The following UMPS variants were observed in gnomAD, a reference collection of about 807,000 sequenced individuals.
The protein encoded by UMPS is uridine 5'-monophosphate synthase.
In UMPS, 21 loss-of-function variants were observed where a neutral mutation model predicts 38.9. The ratio of observed to expected loss-of-function variants is 0.54; its 90% CI spans 0.38 to 0.78. UMPS has a LOEUF of 0.78. UMPS is among the 30% of genes least tolerant of loss of function. The probability of loss-of-function intolerance (pLI) is 0.00; values close to 1 mark genes in which losing one functional copy is unlikely to be tolerated. For missense variants in UMPS, 533 were observed against 591.6 expected, an observed-to-expected ratio of 0.90 and a Z score of 1.03; for synonymous variants, 208 against 219.3, an observed-to-expected ratio of 0.95 and a Z score of 0.45.
rs1460180126 is a variant in UMPS at position 124,740,183 on chromosome 3, A to C, written c.1142A>C (p.Asp381Ala). ...MSSTGSLATG[D>A]YTRAAVRMAE... ...TCCACCGGCTCCCTGGCCACTGGGG[A>C]CTACACTAGAGCAGCGGTAAGTGGT... is the stretch of plus-strand genomic sequence containing the variant. Residue 381 changes from aspartate to alanine, a missense_variant, in exon 4 of 6, where the codon GAC becomes GCC. Asp to Ala is a moderately radical substitution (Grantham distance 126, BLOSUM62 -2). Coordinates refer to ENST00000232607, the MANE Select transcript of UMPS (RefSeq NM_000373.4). 2 of 1,612,888 alleles carry C rather than the reference A, an allele frequency of 1.2e-6. No individual in the cohort carries two copies. The highest frequency in any genetic ancestry group is 2.7e-5 in the African/African-American group (2 of 74,920).
rs2063575646 is a variant in UMPS at position 124,743,820 on chromosome 3, AT to A, written c.1274-92del. On this transcript the variant is annotated intron_variant, in intron 5 of 5. Transcript: ENST00000232607. ...GGAACGAAAGTAGGGGCATGTTTTT[AT>A]TTAAAGCTGGTTAGATACTTTTTCA... 3 of 1,516,218 alleles carry A rather than the reference AT, an allele frequency of 2.0e-6. No individual in the cohort carries two copies. In the African/African-American group the frequency reaches 4.1e-5, roughly 21 times the overall value. 93.9% of individuals were successfully genotyped at this position (1,516,218 alleles called of 1,614,324 possible).
rs1302571190 is a variant in UMPS, at chr3:124,747,444, C to A, written c.*3360C>A. On this transcript the variant is annotated 3_prime_UTR_variant, in exon 6 of 6. Transcript: ENST00000232607. ...GGAGTCACTCAGTACCAGTTCCGAG[C>A]CTGAACCCAAACTCTCGTGTTTCTG... The A allele has an allele frequency of 6.6e-6, 3 of 454,002 alleles. No individual in the cohort carries two copies. The highest frequency in any genetic ancestry group is 1.3e-5 in the Non-Finnish European group (3 of 226,748). The allele number at this position is 454,002 out of a possible 1,614,324, so 28.1% of individuals were successfully genotyped here. A position where few individuals can be genotyped will look rare whatever the true frequency, so the allele number is the denominator to read the frequency against.
At chr3:124,735,755 T>A (rs1488259242) in intron 2 of UMPS, among the ~76,000 whole-genome samples, 3 of 152,246 alleles carry the variant, frequency 2.0e-5, no homozygotes, top group Non-Finnish European at 4.4e-5. Flanking sequence ...GGTAGGCGGA[T>A]CACTTGAGGT....
chr3:124,746,278 T>C lies in UMPS; in HGVS notation c.*2194T>C. 2.2e-6 allele frequency: 1 copy of C among 453,928 alleles called. No homozygotes were observed. Among genetic ancestry groups the C allele is most frequent in the Non-Finnish European group, 4.4e-6 (1 of 226,778 alleles). 28.1% of individuals were successfully genotyped at this position (453,928 alleles called of 1,614,324 possible). A position where few individuals can be genotyped will look rare whatever the true frequency, so the allele number is the denominator to read the frequency against. On this transcript the variant is annotated 3_prime_UTR_variant, in exon 6 of 6. Transcript: ENST00000232607. ...CCCAGCCCCTGCCACTTACTGAAAG[T>C]GTAGGTCCTTGTGCCCCACACCATC...
At chr3:124,741,398 C>T (rs575046534) in intron 4 of UMPS, among the ~76,000 whole-genome samples, 1 of 152,028 alleles carries the variant, frequency 6.6e-6, no homozygotes, top group Non-Finnish European at 1.5e-5. Context: ...GGGGAAAGTA[C>T]CTACCGAATC....
In UMPS at chr3:124,745,325, C is replaced by T. The variant is rs765744083; in HGVS notation, c.*1241C>T. ...TCAGCCATTTCCCCACCCTTGTCAG[C>T]TGATGGCCCACTGTTCTTTAATGAC... On this transcript the variant is annotated 3_prime_UTR_variant, in exon 6 of 6. Coordinates refer to ENST00000232607, the MANE Select transcript of UMPS (RefSeq NM_000373.4). The T allele has an allele frequency of 4.4e-5, 20 of 453,776 alleles. No homozygotes were observed. Among genetic ancestry groups the T allele is most frequent in the South Asian group, 2.8e-4 (18 of 64,470 alleles). 28.1% of individuals were successfully genotyped at this position (453,776 alleles called of 1,614,324 possible).
In UMPS at chr3:124,745,023, A is replaced by G. The variant is rs1324279731; in HGVS notation, c.*939A>G. The G allele has an allele frequency of 2.2e-6, 1 of 454,032 alleles. No individual in the cohort carries two copies. The highest frequency in any genetic ancestry group is 4.4e-6 in the Non-Finnish European group (1 of 226,810). The allele number at this position is 454,032 out of a possible 1,614,324, so 28.1% of individuals were successfully genotyped here. A position where few individuals can be genotyped will look rare whatever the true frequency, so the allele number is the denominator to read the frequency against. ...GGCTCATTTTTTCCCCTAGCCAGCA[A>G]TTATGGACCAGTAGTAACACAAGTG... is the stretch of plus-strand genomic sequence containing the variant. On this transcript the variant is annotated 3_prime_UTR_variant, in exon 6 of 6. Coordinates refer to ENST00000232607, the MANE Select transcript of UMPS (RefSeq NM_000373.4).
intron 4 of UMPS, among the ~76,000 whole-genome samples, chr3:124,741,942 A>G (rs1303409847): frequency 1.3e-5 from 2 of 152,140 alleles, no homozygotes; most frequent in Non-Finnish European, 2.9e-5. Context: ...TAAGCCAGGC[A>G]TGGTGACTTA....
chr3:124,739,396 A>G (rs952218998), intron 3 of UMPS, among the ~76,000 whole-genome samples: 4 of 152,090 alleles, frequency 2.6e-5, no homozygotes, highest in African/African-American at 7.2e-5. Context: ...CAGTGGTGCA[A>G]TCTTGACTCA....
intron 1 of UMPS, 138 bp downstream of exon 1, chr3:124,730,765 G>C (rs2063469799): frequency 2.0e-6 from 2 of 976,916 alleles, no homozygotes; most frequent in Admixed American, 5.6e-5. Flanking sequence ...TTGGTTTGGG[G>C]AGTAAGCATG....
rs751610441 is a variant in UMPS, at chr3:124,742,236, T to A, written c.1243T>A (p.Leu415Met). 6.2e-7 allele frequency: 1 copy of A among 1,614,178 alleles called. No individual in the cohort carries two copies. The highest frequency in any genetic ancestry group is 8.5e-7 in the Non-Finnish European group (1 of 1,180,016). ...RVSMKPEFLH[L>M]TPGVQLEAGG... Reference sequence around the variant, plus strand: ...AAGCATGAAACCAGAATTTCTTCACTTGACTCCAGGAGTTCAGTTGGAAGC... The same window carrying A: ...AAGCATGAAACCAGAATTTCTTCACATGACTCCAGGAGTTCAGTTGGAAGC... Residue 415 changes from leucine to methionine, a missense_variant, in exon 5 of 6, where the codon TTG (leucine) becomes ATG (methionine). Transcript: ENST00000232607.
In UMPS at chr3:124,732,967, GGTGTGTGTGTGT is replaced by G. The variant is rs61383415; in HGVS notation, c.157-2107_157-2096del. On this transcript the variant is annotated intron_variant, in intron 1 of 5. Transcript: ENST00000232607. ...AAAAGTTTTTTGATAACTAGATCAT[GGTGTGTGTGTGT>G]GTGTGTGTGTGTGTGTGTATTTTGG... 1.7e-3 allele frequency among the ~76,000 whole-genome samples: 251 copies of G among 147,738 alleles called. 4 individuals are homozygous for G. The highest frequency in any genetic ancestry group is 0.015 in the South Asian group (71 of 4,604).
chr3:124,731,275 A>G (rs1346511586), intron 1 of UMPS, among the ~76,000 whole-genome samples: 1 of 152,182 alleles, frequency 6.6e-6, no homozygotes, highest in Non-Finnish European at 1.5e-5. Flanking sequence ...ATTACTGGTG[A>G]GAAAAGGAAA....
rs1394160073 is a variant in UMPS at position 124,746,165 on chromosome 3, G to A, written c.*2081G>A. The A allele has an allele frequency of 6.6e-6, 3 of 454,028 alleles. No homozygotes were observed. The highest frequency in any genetic ancestry group is 1.3e-5 in the Non-Finnish European group (3 of 226,722). 28.1% of individuals were successfully genotyped at this position (454,028 alleles called of 1,614,324 possible). A position where few individuals can be genotyped will look rare whatever the true frequency, so the allele number is the denominator to read the frequency against. On this transcript the variant is annotated 3_prime_UTR_variant, in exon 6 of 6. Coordinates refer to ENST00000232607, the MANE Select transcript of UMPS (RefSeq NM_000373.4). ...TGTGGGCTCCTGCCATCTCCAGGAC[G>A]CAGGCACTGTTCCTGTTGATGAACC...
chr3:124,736,685 CTG>C (rs745671850), intron 2 of UMPS, among the ~76,000 whole-genome samples: 31 of 152,168 alleles, frequency 2.0e-4, no homozygotes, highest in African/African-American at 6.3e-4. Context: ...GTTTTAAAAA[CTG>C]TTTCTATGAA....
Position 124,737,906 on chromosome 3 carries a change from T to C in UMPS, c.649T>C (p.Ser217Pro), listed in dbSNP as rs1158926475. The change falls in exon 3 of 6, where the codon TCT becomes CCT. Residue 217 changes from serine to proline, a missense_variant. Physicochemically the swap from Ser to Pro is moderately conservative, Grantham distance 74. Transcript: ENST00000232607. Reference protein sequence around the residue: ...VAANHNGSPLSIKEAPKELSF... With the variant: ...VAANHNGSPLPIKEAPKELSF... ...AGCGAATCATAATGGTTCTCCCCTTTCTATAAAGGAAGCACCCAAAGAACT... is the reference window on the plus strand; with the variant it reads ...AGCGAATCATAATGGTTCTCCCCTTCCTATAAAGGAAGCACCCAAAGAACT... The C allele has an allele frequency of 1.2e-6, 2 of 1,614,220 alleles. No individual in the cohort carries two copies. The highest frequency in any genetic ancestry group is 3.3e-5 in the Admixed American group (2 of 60,032).
At position 124,747,691 on chromosome 3, in the gene UMPS, T is replaced by A. The variant is rs1404421634; in HGVS notation, c.*3607T>A. On this transcript the variant is annotated 3_prime_UTR_variant, in exon 6 of 6. Transcript: ENST00000232607. ...TATTACACGGCAATATCTAGCTAAA[T>A]ACATTTAACTTGCTGCAGCTCTCTG... 1.1e-5 allele frequency: 5 copies of A among 453,582 alleles called. No individual in the cohort carries two copies. Among genetic ancestry groups the A allele is most frequent in the African/African-American group, 2.0e-5 (1 of 50,000 alleles). 28.1% of individuals were successfully genotyped at this position (453,582 alleles called of 1,614,324 possible).
At position 124,744,221 on chromosome 3, in the gene UMPS, A is replaced by G. The variant is rs770831842; in HGVS notation, c.*137A>G. ...GGGCCTGTGTAAGAATGGGTTCTGGAGTTCTCATGGTCTTTAGGAAATATT... is the reference window on the plus strand; with the variant it reads ...GGGCCTGTGTAAGAATGGGTTCTGGGGTTCTCATGGTCTTTAGGAAATATT... On this transcript the variant is annotated 3_prime_UTR_variant, in exon 6 of 6. Coordinates refer to ENST00000232607, the MANE Select transcript of UMPS (RefSeq NM_000373.4). The G allele has an allele frequency of 1.0e-6, 1 of 988,624 alleles. No individual in the cohort carries two copies. The highest frequency in any genetic ancestry group is 1.6e-6 in the Non-Finnish European group (1 of 643,760). 61.2% of individuals were successfully genotyped at this position (988,624 alleles called of 1,614,324 possible).
Position 124,748,867 on chromosome 3 carries a change from G to A in UMPS, c.*4783G>A. On this transcript the variant is annotated 3_prime_UTR_variant, in exon 6 of 6. Coordinates refer to ENST00000232607, the MANE Select transcript of UMPS (RefSeq NM_000373.4). ...GAATTCTCCTGTTTTTCTGAAAAGGGCATGGGAGTTAGCTGAGAAGCAGAC... is the reference window on the plus strand; with the variant it reads ...GAATTCTCCTGTTTTTCTGAAAAGGACATGGGAGTTAGCTGAGAAGCAGAC... 1 of 427,826 alleles carries A rather than the reference G, an allele frequency of 2.3e-6. No individual in the cohort carries two copies. 26.5% of individuals were successfully genotyped at this position (427,826 alleles called of 1,614,324 possible).
Sources: allele counts gnomAD v4.1 joint callset (sites outside exome capture counted in the v4.1 genomes callset), GRCh38; gene constraint gnomAD v4.1.1; transcripts MANE v1.5; gene names NCBI Gene and HGNC (gene_info 2026-07-23, HGNC 2026-07-21).